Variants in TDRD7 observed in about 807,000 individuals in gnomAD.
TDRD7 encodes the protein tudor domain containing 7, also known as tudor domain-containing protein 7.
TDRD7 carries 47 observed loss-of-function variants against 109.8 expected under a neutral mutation model. The observed-to-expected ratio is 0.43, with a 90% confidence interval of 0.34 to 0.55. The LOEUF (loss-of-function observed/expected upper bound fraction) is 0.55. TDRD7 is among the 20% of genes least tolerant of loss of function. TDRD7 has a pLI of 0.03. For missense variants in TDRD7, 1,164 were observed against 1,319.2 expected (o/e 0.88, Z 1.82); for synonymous variants, 424 against 457.3 (o/e 0.93, Z 0.93).
intron 10 of TDRD7, 85 bp from the exon 11 acceptor site, chr9:97,473,407 G>A: frequency 6.4e-7 from 1 of 1,561,034 alleles, no homozygotes; most frequent in Non-Finnish European, 8.8e-7. Context: ...GACTTGTTAT[G>A]GGATGTTTAG....
At chr9:97,449,209 G>C (rs1261856656) in intron 6 of TDRD7, among the ~76,000 whole-genome samples, 1 of 152,156 alleles carries the variant, frequency 6.6e-6, no homozygotes, top group African/African-American at 2.4e-5. Flanking sequence ...AATCAACACA[G>C]AAGGCTTCTG....
At chr9:97,456,230 A>G (rs925944756) in intron 6 of TDRD7, among the ~76,000 whole-genome samples, 3 of 152,218 alleles carry the variant, frequency 2.0e-5, no homozygotes, top group Admixed American at 6.5e-5. Flanking sequence ...AATCAATATC[A>G]TGAAAATGGC....
At position 97,490,143 on chromosome 9, in the gene TDRD7, C is replaced by G; in HGVS notation, c.3076+2811C>G. On this transcript the variant is annotated intron_variant, in intron 16 of 16. Coordinates refer to ENST00000355295, the MANE Select transcript of TDRD7 (RefSeq NM_014290.3). ...AAGAAATATAAAAGTTTTACTTTAC[C>G]TTCACTTATTCATTCTCTGATTTTC... Among the ~76,000 whole-genome samples the G allele has an allele frequency of 1.3e-5, 2 of 152,012 alleles. 1 individual carries two copies. Among genetic ancestry groups the G allele is most frequent in the Non-Finnish European group, 2.9e-5 (2 of 67,974 alleles).
At chr9:97,484,634 G>A (rs140652551) in intron 15 of TDRD7, among the ~76,000 whole-genome samples, 144 of 152,270 alleles carry the variant, frequency 9.5e-4, no homozygotes, top group African/African-American at 2.8e-3. Context: ...TCAGTGAAGC[G>A]TATAAAAGCT....
Position 97,450,590 on chromosome 9 carries a change from A to G in TDRD7, c.855+8715A>G, listed in dbSNP as rs1047544491. Among the ~76,000 whole-genome samples the G allele has an allele frequency of 2.0e-5, 3 of 152,194 alleles. No individual in the cohort carries two copies. The East Asian group carries it at 5.8e-4, about 29-fold the overall frequency. On this transcript the variant is annotated intron_variant, in intron 6 of 16. Transcript: ENST00000355295. ...GAGATGAACATGTAAATCTTTTCAG[A>G]TGCACCAGAGCCCAGTAAAGAATGG...
chr9:97,426,454 G>A (rs1827995251), intron 1 of TDRD7, among the ~76,000 whole-genome samples: 1 of 152,078 alleles, frequency 6.6e-6, no homozygotes, highest in Non-Finnish European at 1.5e-5. Context: ...GTTTCGCCAT[G>A]TTGCCCAGGC....
chr9:97,430,561 C>A (rs1828084914), intron 2 of TDRD7, among the ~76,000 whole-genome samples: 1 of 152,192 alleles, frequency 6.6e-6, no homozygotes, highest in Non-Finnish European at 1.5e-5. Flanking sequence ...CGAGCCTCTG[C>A]ATTCCCATGT....
In TDRD7 at chr9:97,412,517, C is replaced by T. The variant is rs1175017919; in HGVS notation, c.-7+279C>T. On this transcript the variant is annotated intron_variant, in intron 1 of 16. Coordinates refer to ENST00000355295, the MANE Select transcript of TDRD7 (RefSeq NM_014290.3). This position sits in a 1 kb window ranked among gnomAD's most constrained non-coding sequence, Gnocchi z 4.3. ...GCCGGGCGTTCACGCGGGAGTCGGA[C>T]GGAGCCTCCTGCCGCCTCGGAAGCT... Among the ~76,000 whole-genome samples the T allele has an allele frequency of 6.6e-6, 1 of 152,156 alleles. No homozygotes were observed. Among genetic ancestry groups the T allele is most frequent in the Non-Finnish European group, 1.5e-5 (1 of 68,012 alleles).
chr9:97,428,930 TA>T (rs897088855), intron 2 of TDRD7, among the ~76,000 whole-genome samples: 4 of 152,238 alleles, frequency 2.6e-5, no homozygotes, highest in African/African-American at 9.6e-5. Context: ...TGTCAACATC[TA>T]AACAAAATAG....
Position 97,435,633 on chromosome 9 carries a change from T to TA in TDRD7, c.563+3406dup, listed in dbSNP as rs972684782. Among the ~76,000 whole-genome samples the TA allele has an allele frequency of 5.5e-3, 542 of 98,888 alleles. 5 individuals are homozygous for TA. The highest frequency in any genetic ancestry group is 0.02 in the African/African-American group (494 of 25,156). The allele number at this position is 98,888 out of a possible 152,430, so 64.9% of individuals were successfully genotyped here. A position where few individuals can be genotyped will look rare whatever the true frequency, so the allele number is the denominator to read the frequency against. On this transcript the variant is annotated intron_variant, in intron 4 of 16. Coordinates refer to ENST00000355295, the MANE Select transcript of TDRD7 (RefSeq NM_014290.3). ...CCTGGGTGACAGGGTAAGACCCTCTTAAAAAAAAAAAGCTACATATTTTAA... is the reference window on the plus strand; with the variant it reads ...CCTGGGTGACAGGGTAAGACCCTCTTAAAAAAAAAAAAGCTACATATTTTAA...
intron 14 of TDRD7, 98 bp downstream of exon 14, chr9:97,481,036 T>A (rs1829107451): frequency 5.0e-6 from 5 of 998,498 alleles, no homozygotes; most frequent in Non-Finnish European, 8.0e-6. Context: ...CACTGTAAAA[T>A]GGATGCTTCC....
At position 97,463,598 on chromosome 9, in the gene TDRD7, T is replaced by TA. The variant is rs749355894; in HGVS notation, c.1443-1243dup. On this transcript the variant is annotated intron_variant, in intron 7 of 16. Coordinates refer to ENST00000355295, the MANE Select transcript of TDRD7 (RefSeq NM_014290.3). ...CTGGGCCAAGTGATGCTGGTGCTGT[T>TA]AGAGTATAGCCTTCCAGCTAAAAAG... is the stretch of plus-strand genomic sequence containing the variant. 1.2e-4 allele frequency among the ~76,000 whole-genome samples: 18 copies of TA among 152,272 alleles called. 1 individual carries two copies. The highest frequency in any genetic ancestry group is 4.3e-4 in the African/African-American group (18 of 41,548).
intron 8 of TDRD7, among the ~76,000 whole-genome samples, chr9:97,465,877 G>A (rs1217972337): frequency 2.0e-5 from 3 of 152,034 alleles, no homozygotes; most frequent in Admixed American, 2.0e-4. Context: ...AGGGAAATGC[G>A]CTTTAAGACT....
chr9:97,441,459 AAC>A (rs1828303355), intron 5 of TDRD7, among the ~76,000 whole-genome samples, 197 bp from the exon 6 acceptor site: 1 of 152,182 alleles, frequency 6.6e-6, no homozygotes. Context: ...ACCCACAAGA[AAC>A]ACTGCTGGTT....
intron 13 of TDRD7, chr9:97,480,467 G>T: frequency 3.7e-6 from 1 of 267,108 alleles, no homozygotes. Flanking sequence ...GGTAGACCTT[G>T]ATAAAAGTCC....
At chr9:97,444,489 T>C (rs1412275528) in intron 6 of TDRD7, among the ~76,000 whole-genome samples, 2 of 152,242 alleles carry the variant, frequency 1.3e-5, no homozygotes, top group Non-Finnish European at 2.9e-5. Context: ...TTTTCCCCCT[T>C]CTTATAACTT....
chr9:97,456,406 C>T (rs1828610772), intron 6 of TDRD7, among the ~76,000 whole-genome samples: 1 of 152,202 alleles, frequency 6.6e-6, no homozygotes, highest in Non-Finnish European at 1.5e-5. Context: ...AGGCATCACA[C>T]TATCTGACTT....
At chr9:97,435,195 A>G (rs1441165531) in intron 4 of TDRD7, among the ~76,000 whole-genome samples, 1 of 151,376 alleles carries the variant, frequency 6.6e-6, no homozygotes, top group African/African-American at 2.4e-5. Flanking sequence ...TCTGAATTGT[A>G]CTATTGCCAA....
intron 7 of TDRD7, 75 bp from the exon 8 acceptor site, chr9:97,464,767 G>A (rs1828794048): frequency 6.5e-7 from 1 of 1,549,946 alleles, no homozygotes; most frequent in Non-Finnish European, 8.9e-7. Flanking sequence ...GAAAAAAGAA[G>A]GACAAAAACG....
Sources: gnomAD v4.1 joint callset for allele counts (sites outside exome capture counted in the v4.1 genomes callset) on GRCh38, gnomAD v4.1.1 for gene constraint, Gnocchi (gnomAD v3.1) non-coding constraint, MANE v1.5 for transcripts, NCBI Gene and HGNC (gene_info 2026-07-23, HGNC 2026-07-21) for gene names.